EFCAB12: variants seen among roughly 807,000 people sequenced by gnomAD.
EFCAB12 encodes the protein EF-hand calcium binding domain 12, also known as EF-hand calcium-binding domain-containing protein 12.
A neutral mutation model predicts 53.6 loss-of-function variants in EFCAB12; 43 were observed. The observed-to-expected ratio is 0.80, with a 90% confidence interval of 0.63 to 1.03. The LOEUF (loss-of-function observed/expected upper bound fraction) is 1.03. Ranked by LOEUF, EFCAB12 falls within the 50% of genes least tolerant of loss-of-function variation. EFCAB12 has a pLI of 0.00. For synonymous variants in EFCAB12, 269 were observed against 289.2 expected (o/e 0.93, Z 0.71); for missense variants, 646 against 730.6 (o/e 0.88, Z 1.34).
Position 129,411,367 on chromosome 3 carries a change from G to A in EFCAB12, c.839-13C>T. On this transcript the variant is annotated splice_polypyrimidine_tract_variant and intron_variant, in intron 4 of 8. Transcript: ENST00000505956. ...GCCAAGATATAATCTGGAGTCAGAG[G>A]GAAGAGATGAAGGAAGGAGGGACTA... is the stretch of plus-strand genomic sequence containing the variant. 6.4e-7 allele frequency: 1 copy of A among 1,551,392 alleles called. No individual in the cohort carries two copies. Among genetic ancestry groups the A allele is most frequent in the African/African-American group, 1.4e-5 (1 of 73,344 alleles).
rs1005261822 is a variant in EFCAB12 at position 129,402,507 on chromosome 3, G to A, written c.1460+16C>T. ...CCCACCTTCCTTCCTTGTGGAGTTA[G>A]ATGATTGCCACAGACCTGGTAAATT... On this transcript the variant is annotated intron_variant, in intron 8 of 8. Coordinates refer to ENST00000505956, the MANE Select transcript of EFCAB12 (RefSeq NM_207307.3). 1 of 1,610,284 alleles carries A rather than the reference G, an allele frequency of 6.2e-7. No individual in the cohort carries two copies. Among genetic ancestry groups the A allele is most frequent in the Non-Finnish European group, 8.5e-7 (1 of 1,178,032 alleles).
At position 129,401,771 on chromosome 3, in the gene EFCAB12, AGCTTATC is replaced by A. The variant is rs2071874680; in HGVS notation, c.1534_1540del (p.Asp512CysfsTer45). On this transcript the variant is annotated frameshift_variant, in exon 9 of 9. Coordinates refer to ENST00000505956, the MANE Select transcript of EFCAB12 (RefSeq NM_207307.3). LOFTEE classifies it low-confidence loss of function (END_TRUNC). ...GGCCACAGTGGGCAGGTAGAGCTGC[AGCTTATC>A]CAGAAGATGACCCGGCCAGAAGGAA... 11 of 1,610,988 alleles carry A rather than the reference AGCTTATC, an allele frequency of 6.8e-6. No individual in the cohort carries two copies. Among genetic ancestry groups the A allele is most frequent in the Non-Finnish European group, 9.3e-6 (11 of 1,178,626 alleles).
Position 129,408,800 on chromosome 3 carries a change from C to T in EFCAB12, c.1094G>A (p.Arg365Gln), listed in dbSNP as rs1204527726. Residue 365 changes from arginine to glutamine, a missense_variant, in exon 6 of 9, where the codon CGG becomes CAG. By Grantham distance (43) the Arg-to-Gln change is conservative (BLOSUM62 1). Coordinates refer to ENST00000505956, the MANE Select transcript of EFCAB12 (RefSeq NM_207307.3). Reference sequence around the variant, plus strand: ...CGGGAGGCAGTGCTCATCAAAGTGCCGATTCCCACAGCGCACCAGGTGACA... The same window carrying T: ...CGGGAGGCAGTGCTCATCAAAGTGCTGATTCCCACAGCGCACCAGGTGACA... ...EQCHLVRCGN[R>Q]HFDEHCLPST... The T allele has an allele frequency of 6.3e-6, 10 of 1,578,086 alleles. No homozygotes were observed. Among genetic ancestry groups the T allele is most frequent in the Middle Eastern group, 1.7e-4 (1 of 6,012 alleles).
chr3:129,421,507 G>C lies in EFCAB12; in HGVS notation c.346C>G (p.Leu116Val). ...LSQRSKLRQE[L>V]ESFGDVKRWL... ...CTCTTTACATCACCAAAGGACTCTA[G>C]CTCCTGCCGCAGCTTCGACCTCTGG... The change falls in exon 2 of 9, where the codon CTA (leucine) becomes GTA (valine). Residue 116 changes from leucine (L) to valine (V), a missense_variant. Coordinates refer to ENST00000505956, the MANE Select transcript of EFCAB12 (RefSeq NM_207307.3). 6.2e-7 allele frequency: 1 copy of C among 1,614,002 alleles called. No individual in the cohort carries two copies. The highest frequency in any genetic ancestry group is 8.5e-7 in the Non-Finnish European group (1 of 1,179,892).
At chr3:129,422,857 T>G (rs2072206733) in intron 1 of EFCAB12, among the ~76,000 whole-genome samples, 1 of 152,136 alleles carries the variant, frequency 6.6e-6, no homozygotes, top group Non-Finnish European at 1.5e-5. Flanking sequence ...AAGTCCTCGG[T>G]TTGGGCAGCA....
intron 3 of EFCAB12, among the ~76,000 whole-genome samples, chr3:129,417,972 T>C (rs2072139306): frequency 6.6e-6 from 1 of 152,158 alleles, no homozygotes; most frequent in Admixed American, 6.5e-5. Flanking sequence ...TTCTCCAAGG[T>C]AGCTGGCTGG....
Position 129,408,666 on chromosome 3 carries a change from T to C in EFCAB12, c.1228A>G (p.Thr410Ala). 4.4e-6 allele frequency: 7 copies of C among 1,578,886 alleles called. No individual in the cohort carries two copies. The highest frequency in any genetic ancestry group is 6.0e-6 in the Non-Finnish European group (7 of 1,160,954). Residue 410 changes from threonine to alanine, a missense_variant, in exon 6 of 9, where the codon ACA becomes GCA. Transcript: ENST00000505956. ...KLCKSYGLPL[T>A]EDILMKALLY... The stretch of plus-strand genomic sequence containing the variant: ...TTACCTTTCATGAGGATGTCCTCTG[T>C]CAGCGGGAGGCCATAGGACTTACAG...
At position 129,426,906 on chromosome 3, in the gene EFCAB12, G is replaced by A. The variant is rs1335223304; in HGVS notation, c.49+1534C>T. ...TCTGTCACCCAGGCTGGAGTGCAAT[G>A]GCATGATCTTGGCTCACTGCAAGCT... On this transcript the variant is annotated intron_variant, in intron 1 of 8. Transcript: ENST00000505956. Among the ~76,000 whole-genome samples, 4 of 140,688 alleles carry A rather than the reference G, an allele frequency of 2.8e-5. No individual in the cohort carries two copies. In the Admixed American group the frequency reaches 3.0e-4, roughly 11 times the overall value. 92.3% of individuals were successfully genotyped at this position (140,688 alleles called of 152,430 possible).
intron 4 of EFCAB12, 126 bp from the exon 5 acceptor site, chr3:129,411,480 G>T (rs560008115): frequency 3.1e-6 from 3 of 975,364 alleles, no homozygotes; most frequent in South Asian, 3.3e-5. Flanking sequence ...CTTCCCACAC[G>T]TCTGGGCAGT....
At chr3:129,420,609 C>T (rs1432854349) in intron 2 of EFCAB12, among the ~76,000 whole-genome samples, 1 of 152,200 alleles carries the variant, frequency 6.6e-6, no homozygotes, top group East Asian at 1.9e-4. Flanking sequence ...CCTCAGCAAA[C>T]TTGTGTCAAT....
At position 129,404,340 on chromosome 3, in the gene EFCAB12, G is replaced by A. The variant is rs375539559; in HGVS notation, c.1313C>T (p.Pro438Leu). 10 of 1,613,838 alleles carry A rather than the reference G, an allele frequency of 6.2e-6. No individual in the cohort carries two copies. Among genetic ancestry groups the A allele is most frequent in the Non-Finnish European group, 6.8e-6 (8 of 1,179,864 alleles). The change falls in exon 7 of 9, where the codon CCG (proline) becomes CTG (leucine). Residue 438 changes from proline (P) to leucine (L), a missense_variant. Coordinates refer to ENST00000505956, the MANE Select transcript of EFCAB12 (RefSeq NM_207307.3). Reference sequence around the variant, plus strand: ...CTTCCAGTCAGAGTAGTAGCCTCCCGGCTGCCGGATGGGGCACACTTTGTC... The same window carrying A: ...CTTCCAGTCAGAGTAGTAGCCTCCCAGCTGCCGGATGGGGCACACTTTGTC... ...QMDKVCPIRQ[P>L]GGYYSDWKVF...
intron 4 of EFCAB12, chr3:129,413,333 A>G (rs954058026): frequency 1.3e-5 from 2 of 152,284 alleles, no homozygotes; most frequent in Non-Finnish European, 2.9e-5. Context: ...AGCCAGAAAG[A>G]GCAGACAGTA....
intron 1 of EFCAB12, among the ~76,000 whole-genome samples, chr3:129,426,359 G>GTTTTTTT (rs71620055): frequency 3.3e-4 from 29 of 87,804 alleles, no homozygotes; most frequent in African/African-American, 4.1e-4. Flanking sequence ...GTTTTTTTTT[G>GTTTTTTT]TTTTTTTTTT....
chr3:129,404,111 A>G, intron 7 of EFCAB12, 139 bp downstream of exon 7: 1 of 1,137,782 alleles, frequency 8.8e-7, no homozygotes, highest in Admixed American at 2.5e-5. Flanking sequence ...GTGAGCAGTC[A>G]GGTTGGGGGA....
At position 129,411,143 on chromosome 3, in the gene EFCAB12, G is replaced by A; in HGVS notation, c.1035+15C>T. The A allele has an allele frequency of 6.4e-7, 1 of 1,555,322 alleles. No homozygotes were observed. The highest frequency in any genetic ancestry group is 1.2e-5 in the South Asian group (1 of 84,980). On this transcript the variant is annotated intron_variant, in intron 5 of 8. Coordinates refer to ENST00000505956, the MANE Select transcript of EFCAB12 (RefSeq NM_207307.3). Reference sequence around the variant, plus strand: ...AGTCCCCAAGCCGCATGCTCTCCTTGGGCTGGCGAGGTACCTTGTGCTGTC... The same window carrying A: ...AGTCCCCAAGCCGCATGCTCTCCTTAGGCTGGCGAGGTACCTTGTGCTGTC...
chr3:129,421,904 T>C, intron 1 of EFCAB12, 101 bp from the exon 2 acceptor site: 1 of 1,154,704 alleles, frequency 8.7e-7, no homozygotes, highest in Non-Finnish European at 1.2e-6. Flanking sequence ...AACAGGGCCC[T>C]GGATCCCAGG....
intron 6 of EFCAB12, among the ~76,000 whole-genome samples, chr3:129,404,812 C>G (rs2071927292): frequency 6.6e-6 from 1 of 152,072 alleles, no homozygotes. Context: ...TAACTTAGAC[C>G]AATTTTCGGT....
At chr3:129,419,178 T>C (rs1462840599) in intron 2 of EFCAB12, among the ~76,000 whole-genome samples, 1 of 152,244 alleles carries the variant, frequency 6.6e-6, no homozygotes, top group Non-Finnish European at 1.5e-5. Flanking sequence ...ACATGACTTT[T>C]GTTAAGCCAC....
chr3:129,408,974 G>T, intron 5 of EFCAB12, 116 bp from the exon 6 acceptor site: 1 of 1,204,990 alleles, frequency 8.3e-7, no homozygotes, highest in Non-Finnish European at 1.2e-6. Flanking sequence ...CCCATGAGGG[G>T]TGATGGCAAC....
Sources: allele counts gnomAD v4.1 joint callset (sites outside exome capture counted in the v4.1 genomes callset), GRCh38; gene constraint gnomAD v4.1.1; transcripts MANE v1.5; gene names NCBI Gene and HGNC (gene_info 2026-07-23, HGNC 2026-07-21).